Variants in ST3GAL3 observed in about 807,000 individuals in gnomAD.
ST3GAL3 encodes ST3 beta-galactoside alpha-2,3-sialyltransferase 3.
Under a neutral mutation model 50.1 loss-of-function variants are expected in ST3GAL3, and 21 were observed. That is an observed-to-expected ratio of 0.42 (90% CI 0.30 to 0.60). The LOEUF (loss-of-function observed/expected upper bound fraction) is 0.60, where lower values mean the gene tolerates loss of function less well. Among genes scored for constraint, ST3GAL3 ranks in the 20% least tolerant of loss-of-function variants. ST3GAL3 has a pLI of 0.19. For missense variants in ST3GAL3, 353 were observed against 489.4 expected (o/e 0.72, Z 2.63); for synonymous variants, 183 against 190.0 (o/e 0.96, Z 0.30).
chr1:43,713,828 G>A (rs1665983304), intron 1 of ST3GAL3, among the ~76,000 whole-genome samples: 1 of 152,074 alleles, frequency 6.6e-6, no homozygotes, highest in Non-Finnish European at 1.5e-5. Flanking sequence ...GAGCCACTAC[G>A]GCCAGCCACG....
intron 2 of ST3GAL3, among the ~76,000 whole-genome samples, chr1:43,790,606 A>G (rs1003429218): frequency 6.6e-5 from 10 of 150,524 alleles, no homozygotes; most frequent in African/African-American, 2.2e-4. Context: ...TGTAGAATAT[A>G]CAATCTTCAA....
In ST3GAL3 at chr1:43,729,768, T is replaced by TA. The variant is rs573068994; in HGVS notation, c.-30-6464dup. Among the ~76,000 whole-genome samples the TA allele has an allele frequency of 1.1e-4, 17 of 152,390 alleles. No individual in the cohort carries two copies. The East Asian group carries it at 2.7e-3, about 24-fold the overall frequency. The stretch of plus-strand genomic sequence containing the variant: ...AGGACATTTGGAGTACATTGAATCT[T>TA]ACTCTGTTACGTTACAAATAGTGCT... On this transcript the variant is annotated intron_variant, in intron 1 of 11. Transcript: ENST00000347631.
chr1:43,840,939 G>T (rs1322872874), intron 5 of ST3GAL3: 1 of 152,208 alleles, frequency 6.6e-6, no homozygotes, highest in Admixed American at 6.5e-5. Context: ...TCCAAAAAGG[G>T]GTAATCAGCC....
At chr1:43,916,704 C>A (rs1327008387) in intron 9 of ST3GAL3, 3 of 152,040 alleles carry the variant, frequency 2.0e-5, no homozygotes, top group Non-Finnish European at 4.4e-5. Flanking sequence ...CACCTCAGCC[C>A]CCCGAGTGGC....
intron 2 of ST3GAL3, chr1:43,743,405 A>G (rs1214080618): frequency 3.5e-6 from 1 of 282,428 alleles, no homozygotes; most frequent in Non-Finnish European, 6.9e-6. Context: ...TTAGTGAAGC[A>G]GCAACTGATA....
chr1:43,785,368 C>T (rs1012763774), intron 2 of ST3GAL3, among the ~76,000 whole-genome samples: 1 of 152,206 alleles, frequency 6.6e-6, no homozygotes, highest in Non-Finnish European at 1.5e-5. Context: ...GTTCACCTCA[C>T]ACAGCCATCC....
chr1:43,920,922 CAA>C lies in ST3GAL3; in HGVS notation c.1034_1035del (p.Lys345ArgfsTer25). On this transcript the variant is annotated frameshift_variant, in exon 11 of 12. Transcript: ENST00000347631. LOFTEE classifies it high-confidence loss of function. ...ATGAGACCGTTCGCATGGCAGCCATCAAAGAGGTTCGGGGCTGGGTATGGGGG... is the reference window on the plus strand; with the variant it reads ...ATGAGACCGTTCGCATGGCAGCCATCAGAGGTTCGGGGCTGGGTATGGGGG... ...YYETVRMAAI[K>X]ESWTHNIQRE... is the part of the protein sequence containing the mutation. 6.2e-7 allele frequency: 1 copy of C among 1,611,446 alleles called. No individual in the cohort carries two copies. Among genetic ancestry groups the C allele is most frequent in the Non-Finnish European group, 8.5e-7 (1 of 1,178,632 alleles).
intron 4 of ST3GAL3, among the ~76,000 whole-genome samples, chr1:43,827,650 G>A (rs1434285009): frequency 6.6e-6 from 1 of 152,010 alleles, no homozygotes; most frequent in East Asian, 1.9e-4. Context: ...CTACAGGCGT[G>A]CGCTACCACA....
intron 5 of ST3GAL3, among the ~76,000 whole-genome samples, chr1:43,890,429 C>T (rs142629919): frequency 9.1e-4 from 139 of 151,960 alleles, no homozygotes; most frequent in Middle Eastern, 3.4e-3. Flanking sequence ...ATATATACAC[C>T]GGAGGAAAAA....
intron 2 of ST3GAL3, among the ~76,000 whole-genome samples, chr1:43,760,617 G>A (rs1301435873): frequency 6.6e-5 from 10 of 152,160 alleles, no homozygotes; most frequent in East Asian, 1.9e-4. Context: ...TTAGCCGGGC[G>A]TGGTGGTAGG....
chr1:43,836,629 G>A (rs2064369227), intron 4 of ST3GAL3, among the ~76,000 whole-genome samples: 1 of 152,240 alleles, frequency 6.6e-6, no homozygotes, highest in Admixed American at 6.5e-5. Context: ...GAGCAGCTGG[G>A]CACCAGAGTT....
intron 2 of ST3GAL3, among the ~76,000 whole-genome samples, chr1:43,788,606 CA>C (rs971628719): frequency 2.6e-5 from 4 of 152,226 alleles, no homozygotes; most frequent in East Asian, 1.9e-4. Context: ...ATTTTACCTC[CA>C]ACTTGTAAAA....
chr1:43,810,046 C>T (rs2060370817), intron 3 of ST3GAL3, among the ~76,000 whole-genome samples: 1 of 145,192 alleles, frequency 6.9e-6, no homozygotes, highest in South Asian at 2.3e-4. Flanking sequence ...TAGAGTGAAA[C>T]ATTACTGGGG....
intron 4 of ST3GAL3, among the ~76,000 whole-genome samples, chr1:43,819,930 ACAT>A (rs2061875900): frequency 1.3e-5 from 2 of 152,204 alleles, no homozygotes; most frequent in South Asian, 2.1e-4. Flanking sequence ...GCATCTATCA[ACAT>A]CATTTTTCAT....
chr1:43,736,353 C>A lies in ST3GAL3; in HGVS notation c.91C>A (p.His31Asn). ...TTTGTATTATTCTGCGTGGAAGCTA[C>A]ACTTACTCCAGTGGGAGGAGGACTC... ...GFLYYSAWKL[H>N]LLQWEEDSNS... The change falls in exon 2 of 12, where the codon CAC (histidine) becomes AAC (asparagine). Residue 31 changes from histidine (H) to asparagine (N), a missense_variant. By Grantham distance (68) the His-to-Asn change is moderately conservative. Coordinates refer to ENST00000347631, the MANE Select transcript of ST3GAL3 (RefSeq NM_006279.5). 1.2e-6 allele frequency: 2 copies of A among 1,614,162 alleles called. No homozygotes were observed. Among genetic ancestry groups the A allele is most frequent in the Non-Finnish European group, 1.7e-6 (2 of 1,180,032 alleles).
At position 43,900,171 on chromosome 1, in the gene ST3GAL3, G is replaced by T. The variant is rs202054368; in HGVS notation, c.744+444G>T. On this transcript the variant is annotated intron_variant, in intron 9 of 11. Coordinates refer to ENST00000347631, the MANE Select transcript of ST3GAL3 (RefSeq NM_006279.5). ...CCTCTGTAAGGTCTCTCTGGCTCTG[G>T]TCTTAGGGGTCCCTGCCCTCTTTCT... Among the ~76,000 whole-genome samples, 3 of 152,180 alleles carry T rather than the reference G, an allele frequency of 2.0e-5. No individual in the cohort carries two copies. The East Asian group carries it at 5.8e-4, about 29-fold the overall frequency.
At chr1:43,915,429 A>T (rs1017198527) in intron 9 of ST3GAL3, among the ~76,000 whole-genome samples, 2 of 152,216 alleles carry the variant, frequency 1.3e-5, no homozygotes, top group Non-Finnish European at 2.9e-5. Flanking sequence ...TGGTTTATCC[A>T]TAAGGAAATG....
intron 2 of ST3GAL3, among the ~76,000 whole-genome samples, chr1:43,780,351 G>A (rs1277701091): frequency 6.6e-6 from 1 of 151,892 alleles, no homozygotes; most frequent in African/African-American, 2.4e-5. Context: ...TGTTCTCTCT[G>A]GAAATTTGAA....
chr1:43,772,888 A>G (rs989673933), intron 2 of ST3GAL3, among the ~76,000 whole-genome samples: 1 of 152,112 alleles, frequency 6.6e-6, no homozygotes, highest in Non-Finnish European at 1.5e-5. Flanking sequence ...CTGAGATTAC[A>G]GGCACGTGCC....
Sources: gnomAD v4.1 joint callset for allele counts (sites outside exome capture counted in the v4.1 genomes callset) on GRCh38, gnomAD v4.1.1 for gene constraint, MANE v1.5 for transcripts, NCBI Gene and HGNC (gene_info 2026-07-23, HGNC 2026-07-21) for gene names.